The following SSBP2 variants were observed in gnomAD, a reference collection of about 807,000 sequenced individuals.
SSBP2 encodes single-stranded DNA-binding protein 2.
A neutral mutation model predicts 61.8 loss-of-function variants in SSBP2; 17 were observed. The ratio of observed to expected loss-of-function variants is 0.28; its 90% CI spans 0.19 to 0.41. The LOEUF (loss-of-function observed/expected upper bound fraction) is 0.41, where lower values mean the gene tolerates loss of function less well. Among genes scored for constraint, SSBP2 ranks in the 10% least tolerant of loss-of-function variants. The probability of loss-of-function intolerance (pLI) is 1.00; values close to 1 mark genes in which losing one functional copy is unlikely to be tolerated. For synonymous variants in SSBP2, 139 were observed against 141.3 expected, an observed-to-expected ratio of 0.98 and a Z score of 0.12; for missense variants, 310 against 458.7, an observed-to-expected ratio of 0.68 and a Z score of 2.96.
chr5:81,609,813 TG>T (rs1312279584), intron 4 of SSBP2, among the ~76,000 whole-genome samples: 1 of 152,194 alleles, frequency 6.6e-6, no homozygotes, highest in Non-Finnish European at 1.5e-5. Flanking sequence ...CACCTTTCAG[TG>T]GTGTCTTTGT....
chr5:81,738,724 A>G (rs1756793199), intron 1 of SSBP2, among the ~76,000 whole-genome samples: 1 of 152,230 alleles, frequency 6.6e-6, no homozygotes, highest in Admixed American at 6.5e-5. Context: ...GCATTGGTGT[A>G]GAAAAATGAT....
chr5:81,448,270 G>A lies in SSBP2; in HGVS notation c.723+520C>T, dbSNP rs181930795. Reference sequence around the variant, plus strand: ...GACTTCACATTGACATGAATTTTTGGAAAATTCTAATGTGTACTAAATAGT... The same window carrying A: ...GACTTCACATTGACATGAATTTTTGAAAAATTCTAATGTGTACTAAATAGT... On this transcript the variant is annotated intron_variant, in intron 11 of 16. Coordinates refer to ENST00000320672, the MANE Select transcript of SSBP2 (RefSeq NM_012446.5). Among the ~76,000 whole-genome samples, 1,097 of 152,138 alleles carry A rather than the reference G, an allele frequency of 7.2e-3. 7 individuals are homozygous for A. Among genetic ancestry groups the A allele is most frequent in the South Asian group, 0.02 (94 of 4,808 alleles).
At chr5:81,465,968 C>T (rs1209542578) in intron 9 of SSBP2, among the ~76,000 whole-genome samples, 1 of 151,914 alleles carries the variant, frequency 6.6e-6, no homozygotes, top group African/African-American at 2.4e-5. Context: ...AATTTGCTTT[C>T]CATGAAAATG....
chr5:81,623,242 TCCTAATTTC>T (rs1561619189), intron 3 of SSBP2, among the ~76,000 whole-genome samples: 1 of 152,110 alleles, frequency 6.6e-6, no homozygotes, highest in African/African-American at 2.4e-5. Flanking sequence ...TCTTCTTCTT[TCCTAATTTC>T]CCTAATTTCC....
chr5:81,570,313 C>T (rs1469914004), intron 4 of SSBP2, among the ~76,000 whole-genome samples: 1 of 152,116 alleles, frequency 6.6e-6, no homozygotes, highest in Non-Finnish European at 1.5e-5. Context: ...CACAGTGGCT[C>T]AATTAATACT....
intron 1 of SSBP2, among the ~76,000 whole-genome samples, chr5:81,670,920 A>G (rs1258235181): frequency 1.3e-5 from 2 of 152,224 alleles, no homozygotes; most frequent in Non-Finnish European, 2.9e-5. Flanking sequence ...TTAAGTATGC[A>G]CATTAATATT....
intron 1 of SSBP2, among the ~76,000 whole-genome samples, chr5:81,740,219 C>G (rs1561748094): frequency 6.6e-6 from 1 of 151,524 alleles, no homozygotes; most frequent in East Asian, 1.9e-4. Flanking sequence ...TGTAATATAT[C>G]TGATAGCAAG....
chr5:81,581,267 C>T (rs895653009), intron 4 of SSBP2, among the ~76,000 whole-genome samples: 1 of 152,142 alleles, frequency 6.6e-6, no homozygotes, highest in Non-Finnish European at 1.5e-5. Flanking sequence ...AGCATATAAT[C>T]CCTGAGGACA....
At chr5:81,559,611 T>TTTC (rs1772885030) in intron 4 of SSBP2, among the ~76,000 whole-genome samples, 4 of 151,908 alleles carry the variant, frequency 2.6e-5, no homozygotes, top group Admixed American at 2.6e-4. Context: ...CAGTAGCAGG[T>TTTC]TTCTACCTTA....
At chr5:81,531,193 GCA>G (rs1482326426) in intron 4 of SSBP2, among the ~76,000 whole-genome samples, 3 of 145,270 alleles carry the variant, frequency 2.1e-5, no homozygotes, top group Admixed American at 7.0e-5. Flanking sequence ...AGCCATGACT[GCA>G]CTCAGCCTGA....
intron 3 of SSBP2, among the ~76,000 whole-genome samples, chr5:81,625,858 C>G (rs769583079): frequency 3.9e-5 from 6 of 152,204 alleles, no homozygotes; most frequent in Non-Finnish European, 8.8e-5. Flanking sequence ...ACTTATGCCA[C>G]TGGCCAGATC....
At chr5:81,561,748 T>C (rs1773057044) in intron 4 of SSBP2, among the ~76,000 whole-genome samples, 2 of 152,074 alleles carry the variant, frequency 1.3e-5, no homozygotes, top group Admixed American at 6.5e-5. Flanking sequence ...AAGATAGCAA[T>C]TGTATACTGT....
chr5:81,630,281 C>T (rs900810842), intron 3 of SSBP2, among the ~76,000 whole-genome samples: 35 of 152,164 alleles, frequency 2.3e-4, no homozygotes, highest in Admixed American at 1.3e-4. Context: ...TTATGAAGTC[C>T]AGGTTGAAAG....
intron 1 of SSBP2, among the ~76,000 whole-genome samples, chr5:81,697,688 C>A (rs547704629): frequency 1.3e-5 from 2 of 152,230 alleles, no homozygotes; most frequent in South Asian, 4.1e-4. Flanking sequence ...AAAACAGGGC[C>A]TGGGCTTTCA....
intron 4 of SSBP2, among the ~76,000 whole-genome samples, chr5:81,545,646 T>C (rs1489501202): frequency 6.6e-6 from 1 of 152,192 alleles, no homozygotes; most frequent in Non-Finnish European, 1.5e-5. Context: ...CTCTGGGATA[T>C]ATATACAATG....
At chr5:81,496,012 C>G (rs186844377) in intron 5 of SSBP2, among the ~76,000 whole-genome samples, 1 of 151,954 alleles carries the variant, frequency 6.6e-6, no homozygotes, top group Non-Finnish European at 1.5e-5. Flanking sequence ...TTAGAATGAA[C>G]GAATTAACAT....
chr5:81,665,494 A>G (rs899423729), intron 1 of SSBP2, among the ~76,000 whole-genome samples: 1 of 148,072 alleles, frequency 6.8e-6, no homozygotes, highest in African/African-American at 2.7e-5. Flanking sequence ...GATCTTCCAG[A>G]GTCTTTTCTT....
chr5:81,553,827 T>C (rs2153381286), intron 4 of SSBP2, among the ~76,000 whole-genome samples: 1 of 152,180 alleles, frequency 6.6e-6, no homozygotes, highest in Non-Finnish European at 1.5e-5. Context: ...CCTTTTTTGC[T>C]TTCTCTTCTT....
chr5:81,697,694 T>C (rs1412891038), intron 1 of SSBP2, among the ~76,000 whole-genome samples: 2 of 152,186 alleles, frequency 1.3e-5, no homozygotes, highest in Non-Finnish European at 2.9e-5. Context: ...GGGCCTGGGC[T>C]TTCAGCTCTG....
Sources: allele counts gnomAD v4.1 joint callset (sites outside exome capture counted in the v4.1 genomes callset), GRCh38; gene constraint gnomAD v4.1.1; transcripts MANE v1.5; gene names NCBI Gene and HGNC (gene_info 2026-07-23, HGNC 2026-07-21).